NEK11: variants seen among roughly 807,000 people sequenced by gnomAD.
NEK11 encodes serine/threonine-protein kinase Nek11.
A neutral mutation model predicts 80.7 loss-of-function variants in NEK11; 72 were observed. That is an observed-to-expected ratio of 0.89 (90% CI 0.74 to 1.08). The LOEUF is 1.08. NEK11 is among the 50% of genes least tolerant of loss of function. The pLI is 0.00. For synonymous variants in NEK11, 251 were observed against 260.7 expected, an observed-to-expected ratio of 0.96 and a Z score of 0.36; for missense variants, 764 against 763.6, an observed-to-expected ratio of 1.00 and a Z score of -0.01.
At chr3:131,219,401 G>A (rs1008420320) in intron 14 of NEK11, among the ~76,000 whole-genome samples, 11 of 152,118 alleles carry the variant, frequency 7.2e-5, no homozygotes, top group African/African-American at 2.7e-4. Context: ...CAGGGGGTGG[G>A]GGACTAGGGG....
chr3:131,172,300 G>T (rs2092741467), intron 14 of NEK11, among the ~76,000 whole-genome samples: 1 of 152,228 alleles, frequency 6.6e-6, no homozygotes, highest in Non-Finnish European at 1.5e-5. Context: ...GCTGCACAAT[G>T]ATGTAACAGC....
intron 15 of NEK11, among the ~76,000 whole-genome samples, chr3:131,238,070 C>G (rs768216997): frequency 6.6e-6 from 1 of 152,110 alleles, no homozygotes; most frequent in Non-Finnish European, 1.5e-5. Context: ...TGGAACACAC[C>G]AAGCATGTCC....
chr3:131,052,964 T>A (rs935774633), intron 3 of NEK11, among the ~76,000 whole-genome samples: 3 of 152,194 alleles, frequency 2.0e-5, no homozygotes, highest in Non-Finnish European at 4.4e-5. Flanking sequence ...AGCCTGGATG[T>A]AGCAAGCAGC....
intron 5 of NEK11, among the ~76,000 whole-genome samples, chr3:131,116,532 AT>A (rs1407018489): frequency 6.6e-6 from 1 of 152,186 alleles, no homozygotes; most frequent in Non-Finnish European, 1.5e-5. Context: ...CTAGTTCTAG[AT>A]CCTTGAGGAA....
chr3:131,337,205 G>C (rs2097199993), intron 17 of NEK11, among the ~76,000 whole-genome samples: 1 of 150,662 alleles, frequency 6.6e-6, no homozygotes, highest in South Asian at 2.1e-4. Flanking sequence ...GCAAAGACTT[G>C]GAACCCACTC....
chr3:131,314,919 A>G (rs2096821158), intron 17 of NEK11, among the ~76,000 whole-genome samples: 1 of 152,222 alleles, frequency 6.6e-6, no homozygotes, highest in African/African-American at 2.4e-5. Flanking sequence ...AAAGCAACAA[A>G]CAAATAACTT....
chr3:131,167,016 T>C (rs925057011), intron 12 of NEK11, among the ~76,000 whole-genome samples: 2 of 152,226 alleles, frequency 1.3e-5, no homozygotes, highest in Admixed American at 6.5e-5. Context: ...ATTATAAGAA[T>C]TCCGAGTTTG....
intron 17 of NEK11, among the ~76,000 whole-genome samples, chr3:131,322,077 A>G (rs982586977): frequency 2.0e-5 from 3 of 152,204 alleles, no homozygotes; most frequent in Admixed American, 6.5e-5. Flanking sequence ...TAGCAAAGAC[A>G]TGGAATCAAC....
At chr3:131,284,620 A>AGAC (rs1173298083) in intron 17 of NEK11, among the ~76,000 whole-genome samples, 1 of 152,230 alleles carries the variant, frequency 6.6e-6, no homozygotes, top group Non-Finnish European at 1.5e-5. Context: ...TGGGAGAAGC[A>AGAC]GACCTACCCT....
chr3:131,122,411 A>G (rs2082541373), intron 5 of NEK11, among the ~76,000 whole-genome samples: 1 of 152,190 alleles, frequency 6.6e-6, no homozygotes, highest in African/African-American at 2.4e-5. Context: ...ACAGTGGCCA[A>G]TAGTTTGAGG....
intron 17 of NEK11, among the ~76,000 whole-genome samples, chr3:131,335,716 A>G (rs1458677078): frequency 6.6e-6 from 1 of 152,058 alleles, no homozygotes; most frequent in African/African-American, 2.4e-5. Flanking sequence ...TATCTAGAAA[A>G]CCCCACTGTC....
chr3:131,170,398 G>A (rs1312160882), intron 13 of NEK11, among the ~76,000 whole-genome samples: 2 of 152,182 alleles, frequency 1.3e-5, no homozygotes, highest in South Asian at 2.1e-4. Flanking sequence ...ATTTTGAGAT[G>A]CAGAAACTGA....
At chr3:131,274,431 G>A (rs1209499451) in intron 17 of NEK11, among the ~76,000 whole-genome samples, 1 of 148,210 alleles carries the variant, frequency 6.7e-6, no homozygotes, top group Middle Eastern at 3.2e-3. Context: ...GTGTGCATGT[G>A]TCTTTATAGC....
chr3:131,304,271 T>G lies in NEK11; in HGVS notation c.1718+30697T>G, dbSNP rs151204074. Among the ~76,000 whole-genome samples the G allele has an allele frequency of 1.8e-3, 274 of 152,346 alleles. 1 individual carries two copies. Among genetic ancestry groups the G allele is most frequent in the African/African-American group, 6.4e-3 (267 of 41,588 alleles). ...CAGCTCTATCAGATCAGTTTGGTCC[T>G]TTCTTAAAATGGCCATTTCATATTT... On this transcript the variant is annotated intron_variant, in intron 17 of 17. Transcript: ENST00000383366.
intron 16 of NEK11, among the ~76,000 whole-genome samples, chr3:131,268,717 GGTGTCTCCC>G (rs2096115321): frequency 6.6e-6 from 1 of 152,234 alleles, no homozygotes. Flanking sequence ...CCTGCTGGGA[GGTGTCTCCC>G]AGTCAGGAGG....
intron 17 of NEK11, among the ~76,000 whole-genome samples, chr3:131,295,326 G>T (rs986481988): frequency 1.3e-5 from 2 of 151,726 alleles, no homozygotes; most frequent in African/African-American, 4.8e-5. Flanking sequence ...GGAATATTTG[G>T]TTCAGCATGC....
At chr3:131,122,848 G>A (rs973172026) in intron 5 of NEK11, among the ~76,000 whole-genome samples, 1 of 152,130 alleles carries the variant, frequency 6.6e-6, no homozygotes. Flanking sequence ...CTGATGGGGA[G>A]ATGGAGATGG....
chr3:131,260,627 C>A (rs1320497657), intron 16 of NEK11, among the ~76,000 whole-genome samples: 2 of 152,148 alleles, frequency 1.3e-5, no homozygotes, highest in African/African-American at 4.8e-5. Flanking sequence ...ATATTTACTA[C>A]CCGCCCCTTT....
chr3:131,096,261 C>G (rs1330464137), intron 4 of NEK11, among the ~76,000 whole-genome samples: 1 of 151,878 alleles, frequency 6.6e-6, no homozygotes, highest in African/African-American at 2.4e-5. Flanking sequence ...TTAGCTCCCA[C>G]TTATAACATG....
Sources: allele counts gnomAD v4.1 joint callset (sites outside exome capture counted in the v4.1 genomes callset), GRCh38; gene constraint gnomAD v4.1.1; transcripts MANE v1.5; gene names NCBI Gene and HGNC (gene_info 2026-07-23, HGNC 2026-07-21).